Variants in RBFOX1 observed in about 807,000 individuals in gnomAD.
The protein encoded by RBFOX1 is RNA binding protein fox-1 homolog 1.
In RBFOX1, 8 loss-of-function variants were observed where a neutral mutation model predicts 57.7. The ratio of observed to expected loss-of-function variants is 0.14; its 90% CI spans 0.08 to 0.25. RBFOX1 has a LOEUF of 0.25. Among genes scored for constraint, RBFOX1 ranks in the 10% least tolerant of loss-of-function variants. RBFOX1 has a pLI of 1.00. For synonymous variants in RBFOX1, 326 were observed against 222.4 expected (o/e 1.47, Z -4.15); for missense variants, 611 against 548.5 (o/e 1.11, Z -1.14).
intron 4 of RBFOX1, among the ~76,000 whole-genome samples, chr16:7,454,950 C>T (rs1433884636): frequency 6.6e-6 from 1 of 152,216 alleles, no homozygotes; most frequent in Non-Finnish European, 1.5e-5. Flanking sequence ...TTTCCCAGCC[C>T]TGGGCCATAC....
chr16:6,328,069 C>G (rs746829117), intron 2 of RBFOX1, among the ~76,000 whole-genome samples: 75 of 152,120 alleles, frequency 4.9e-4, no homozygotes, highest in Admixed American at 1.8e-3. Flanking sequence ...AGTGGACAAA[C>G]AAACTGTGAC....
intron 3 of RBFOX1, among the ~76,000 whole-genome samples, chr16:6,749,141 T>G (rs61107261): frequency 0.09 from 13,646 of 152,230 alleles, 759 homozygotes; most frequent in East Asian, 0.16. Flanking sequence ...GAAGGCCGGA[T>G]GGCATTCGAG....
intron 4 of RBFOX1, among the ~76,000 whole-genome samples, chr16:7,376,069 T>C (rs2097680600): frequency 6.6e-6 from 1 of 152,152 alleles, no homozygotes; most frequent in Non-Finnish European, 1.5e-5. Flanking sequence ...GAAAAGTACA[T>C]TGTAAAAAAG....
chr16:5,622,109 C>A (rs2151283612), intron 3 of RBFOX1, among the ~76,000 whole-genome samples: 1 of 152,326 alleles, frequency 6.6e-6, no homozygotes, highest in East Asian at 1.9e-4. Context: ...TAAAACCATA[C>A]ATGAATCACA....
chr16:6,549,722 A>G (rs1488155775), intron 2 of RBFOX1, among the ~76,000 whole-genome samples: 1 of 152,042 alleles, frequency 6.6e-6, no homozygotes, highest in Non-Finnish European at 1.5e-5. Context: ...CAGCCTCATG[A>G]CCTACAGAGT....
intron 4 of RBFOX1, among the ~76,000 whole-genome samples, chr16:7,516,507 G>A (rs1377730158): frequency 6.6e-6 from 1 of 152,202 alleles, no homozygotes; most frequent in Admixed American, 6.5e-5. Flanking sequence ...CAGTATCACT[G>A]CATGTCTTCT....
At chr16:6,189,076 G>C (rs1449832740) in intron 1 of RBFOX1, among the ~76,000 whole-genome samples, 1 of 152,194 alleles carries the variant, frequency 6.6e-6, no homozygotes, top group Non-Finnish European at 1.5e-5. Flanking sequence ...TGTGGTTTCA[G>C]ATGACCTCTG....
chr16:6,426,084 C>CT (rs2152996372), intron 2 of RBFOX1, among the ~76,000 whole-genome samples: 1 of 131,960 alleles, frequency 7.6e-6, no homozygotes, highest in East Asian at 2.5e-4. Context: ...CTCATTTTCT[C>CT]CCTCTCTCTC....
Position 7,636,974 on chromosome 16 carries a change from C to T in RBFOX1, c.757+6291C>T, listed in dbSNP as rs545747000. ...CTCAAAAGGCCCCATTTCCACAAAG[C>T]ATCACATTGGGGGTTACGGCTTCCA... is the stretch of plus-strand genomic sequence containing the variant. On this transcript the variant is annotated intron_variant, in intron 11 of 15. Transcript: ENST00000550418. Among the ~76,000 whole-genome samples the T allele has an allele frequency of 4.6e-5, 7 of 152,244 alleles. No homozygotes were observed. In the South Asian group the frequency reaches 1.5e-3, roughly 32 times the overall value.
At chr16:5,296,687 T>TA (rs2063677255) in intron 1 of RBFOX1, among the ~76,000 whole-genome samples, 1 of 151,814 alleles carries the variant, frequency 6.6e-6, no homozygotes, top group African/African-American at 2.4e-5. Context: ...GCTAAACTTT[T>TA]TTTTTTTTTG....
intron 1 of RBFOX1, among the ~76,000 whole-genome samples, chr16:5,403,153 C>G (rs531380799): frequency 3.3e-5 from 5 of 151,972 alleles, no homozygotes; most frequent in Admixed American, 3.3e-4. Flanking sequence ...GAGTTCCAGA[C>G]CAGCCTGACC....
intron 1 of RBFOX1, among the ~76,000 whole-genome samples, chr16:6,189,006 A>C (rs1211579449): frequency 6.6e-6 from 1 of 152,220 alleles, no homozygotes; most frequent in Non-Finnish European, 1.5e-5. Context: ...ATATTTGAAC[A>C]TGTTTATTTA....
intron 5 of RBFOX1, among the ~76,000 whole-genome samples, chr16:7,563,369 G>A (rs548592252): frequency 6.6e-6 from 1 of 152,336 alleles, no homozygotes; most frequent in South Asian, 2.1e-4. Flanking sequence ...AGTTCACACA[G>A]ATAGGAAGCA....
intron 3 of RBFOX1, among the ~76,000 whole-genome samples, chr16:6,832,642 G>C (rs1261168581): frequency 9.2e-5 from 14 of 152,266 alleles, no homozygotes; most frequent in Admixed American, 8.5e-4. Flanking sequence ...CTGCCTCCTT[G>C]CTGCCATGCC....
At chr16:5,630,230 G>A (rs964990112) in intron 3 of RBFOX1, among the ~76,000 whole-genome samples, 2 of 152,194 alleles carry the variant, frequency 1.3e-5, no homozygotes, top group African/African-American at 2.4e-5. Flanking sequence ...GTCAAAGTGA[G>A]TGGATCACCT....
At chr16:6,183,276 C>T (rs954697491) in intron 1 of RBFOX1, among the ~76,000 whole-genome samples, 6 of 151,758 alleles carry the variant, frequency 4.0e-5, no homozygotes, top group South Asian at 2.1e-4. Flanking sequence ...GTCAGGAGAT[C>T]GAGACCATCC....
At chr16:6,941,299 C>CTT (rs61103712) in intron 3 of RBFOX1, among the ~76,000 whole-genome samples, 6,636 of 82,374 alleles carry the variant, frequency 0.081, 221 homozygotes, top group African/African-American at 0.093. Flanking sequence ...TCCCTCCCTC[C>CTT]CTCCTTCCTT....
At chr16:5,773,822 T>C (rs911136103) in intron 3 of RBFOX1, among the ~76,000 whole-genome samples, 2 of 152,106 alleles carry the variant, frequency 1.3e-5, no homozygotes, top group Admixed American at 6.5e-5. Flanking sequence ...CTCAACCTCC[T>C]GAGTAGCTGG....
intron 2 of RBFOX1, among the ~76,000 whole-genome samples, chr16:6,613,149 G>T (rs2098091257): frequency 6.6e-6 from 1 of 151,962 alleles, no homozygotes; most frequent in African/African-American, 2.4e-5. Flanking sequence ...TTGATCTATA[G>T]GCATTATGCT....
Sources: gnomAD v4.1 joint callset for allele counts (sites outside exome capture counted in the v4.1 genomes callset) on GRCh38, gnomAD v4.1.1 for gene constraint, MANE v1.5 for transcripts, NCBI Gene and HGNC (gene_info 2026-07-23, HGNC 2026-07-21) for gene names.